Variants in ZMAT4 observed in about 807,000 individuals in gnomAD.
ZMAT4 encodes the protein zinc finger matrin-type protein 4.
Under a neutral mutation model 28.7 loss-of-function variants are expected in ZMAT4, and 17 were observed. The observed-to-expected ratio is 0.59, with a 90% CI of 0.41 to 0.89. The LOEUF is 0.89. Among genes scored for constraint, ZMAT4 ranks in the 40% least tolerant of loss-of-function variants. ZMAT4 has a pLI of 0.00. For missense variants in ZMAT4, 240 were observed against 283.8 expected (o/e 0.85, Z 1.11); for synonymous variants, 117 against 109.2 (o/e 1.07, Z -0.44).
intron 2 of ZMAT4, among the ~76,000 whole-genome samples, chr8:40,809,454 C>G (rs553731405): frequency 2.9e-4 from 44 of 152,092 alleles, no homozygotes; most frequent in African/African-American, 9.2e-4. Flanking sequence ...GTACATGTAT[C>G]CTCAGAATCT....
At chr8:40,844,016 C>A in intron 1 of ZMAT4, among the ~76,000 whole-genome samples, 1 of 152,164 alleles carries the variant, frequency 6.6e-6, no homozygotes, top group Non-Finnish European at 1.5e-5. Context: ...AACAATTCAG[C>A]AAAAGTCCAA....
intron 2 of ZMAT4, among the ~76,000 whole-genome samples, chr8:40,817,093 A>G (rs918256370): frequency 6.6e-6 from 1 of 152,164 alleles, no homozygotes; most frequent in South Asian, 2.1e-4. Flanking sequence ...AAGAAAGACA[A>G]TGCTTCCTCA....
intron 2 of ZMAT4, among the ~76,000 whole-genome samples, chr8:40,793,714 G>A (rs1034969555): frequency 6.6e-6 from 1 of 152,180 alleles, no homozygotes; most frequent in African/African-American, 2.4e-5. Context: ...GAGGACCAGA[G>A]CCACTGATTT....
At chr8:40,824,473 G>GAAAGA (rs1290737740) in intron 2 of ZMAT4, among the ~76,000 whole-genome samples, 4 of 151,948 alleles carry the variant, frequency 2.6e-5, no homozygotes, top group African/African-American at 9.7e-5. Flanking sequence ...AAGAAAGTAA[G>GAAAGA]AAAGAAAAGA....
intron 1 of ZMAT4, among the ~76,000 whole-genome samples, chr8:40,831,910 A>C (rs1816294722): frequency 6.6e-6 from 1 of 152,202 alleles, no homozygotes; most frequent in Admixed American, 6.5e-5. Context: ...CCTTGTGCTG[A>C]GGGCTTTATA....
chr8:40,590,381 G>T (rs1023602108), intron 5 of ZMAT4, among the ~76,000 whole-genome samples: 1 of 151,432 alleles, frequency 6.6e-6, no homozygotes, highest in African/African-American at 2.4e-5. Context: ...CCTAAATTCT[G>T]CTTGTGTGGG....
At chr8:40,738,685 T>C (rs533006425) in intron 3 of ZMAT4, among the ~76,000 whole-genome samples, 94 of 152,140 alleles carry the variant, frequency 6.2e-4, no homozygotes, top group Non-Finnish European at 8.5e-4. Context: ...AACCAAGTGT[T>C]CAGTTACTGA....
chr8:40,690,367 G>A (rs1432326501), intron 4 of ZMAT4, among the ~76,000 whole-genome samples: 2 of 152,120 alleles, frequency 1.3e-5, no homozygotes, highest in Non-Finnish European at 2.9e-5. Context: ...TTCCAGCTCT[G>A]CAAATCTGTG....
intron 4 of ZMAT4, among the ~76,000 whole-genome samples, chr8:40,693,060 A>C (rs1467148342): frequency 6.6e-6 from 1 of 152,138 alleles, no homozygotes; most frequent in Non-Finnish European, 1.5e-5. Flanking sequence ...GTAACTAGTT[A>C]AGCTAAAATG....
Position 40,877,913 on chromosome 8 carries a change from G to A in ZMAT4, c.-5+19770C>T, listed in dbSNP as rs532162153. 1.9e-3 allele frequency among the ~76,000 whole-genome samples: 289 copies of A among 152,292 alleles called. 2 individuals carry two copies. The highest frequency in any genetic ancestry group is 3.9e-3 in the Admixed American group (59 of 15,298). On this transcript the variant is annotated intron_variant, in intron 1 of 6. Coordinates refer to ENST00000297737, the MANE Select transcript of ZMAT4 (RefSeq NM_024645.3). ...GGCGCATTCCAAAAGCAGGGAGAGG[G>A]AACCCAAGTCCCGACACACTGAACA... is the stretch of plus-strand genomic sequence containing the variant.
intron 4 of ZMAT4, among the ~76,000 whole-genome samples, chr8:40,687,200 C>T (rs1025942845): frequency 5.2e-4 from 79 of 152,132 alleles, no homozygotes; most frequent in African/African-American, 1.8e-3. Flanking sequence ...AGCCAGAAGA[C>T]GGGGCACTGA....
At chr8:40,659,882 A>G (rs1246175242) in intron 5 of ZMAT4, among the ~76,000 whole-genome samples, 1 of 152,178 alleles carries the variant, frequency 6.6e-6, no homozygotes, top group Non-Finnish European at 1.5e-5. Flanking sequence ...ATTCACTAGG[A>G]CTTTGTAAAA....
chr8:40,863,237 T>G (rs1199438491), intron 1 of ZMAT4, among the ~76,000 whole-genome samples: 2 of 152,006 alleles, frequency 1.3e-5, no homozygotes, highest in East Asian at 1.9e-4. Context: ...TGAGGTGATC[T>G]GATTTGTATT....
At chr8:40,577,969 C>A (rs1177300210) in intron 6 of ZMAT4, among the ~76,000 whole-genome samples, 4 of 151,670 alleles carry the variant, frequency 2.6e-5, no homozygotes, top group Non-Finnish European at 5.9e-5. Context: ...TGGTATATAC[C>A]ATGATTATGG....
At chr8:40,865,833 C>T (rs989345142) in intron 1 of ZMAT4, among the ~76,000 whole-genome samples, 4 of 152,162 alleles carry the variant, frequency 2.6e-5, no homozygotes, top group African/African-American at 2.4e-5. Context: ...TTCTTCCCCC[C>T]GCCATTTGCT....
rs1266363122 is a variant in ZMAT4 at position 40,807,029 on chromosome 8, G to A, written c.102+18546C>T. 3.3e-5 allele frequency among the ~76,000 whole-genome samples: 5 copies of A among 150,190 alleles called. No homozygotes were observed. The Admixed American group carries it at 3.4e-4, about 10-fold the overall frequency. On this transcript the variant is annotated intron_variant, in intron 2 of 6. Coordinates refer to ENST00000297737, the MANE Select transcript of ZMAT4 (RefSeq NM_024645.3). ...AACATTAACCAGTGTATCTTTCTGT[G>A]TACCACTGTCAGAAAAACAAGCAGA...
intron 3 of ZMAT4, among the ~76,000 whole-genome samples, chr8:40,702,365 C>A (rs1810185916): frequency 6.6e-6 from 1 of 152,086 alleles, no homozygotes; most frequent in African/African-American, 2.4e-5. Context: ...AAGTTTCTGG[C>A]TTAAAGATTA....
rs769293324 is a variant in ZMAT4 at position 40,607,973 on chromosome 8, G to GT, written c.578-26713dup. Among the ~76,000 whole-genome samples, 372 of 151,050 alleles carry GT rather than the reference G, an allele frequency of 2.5e-3. 2 individuals carry two copies. The highest frequency in any genetic ancestry group is 2.4e-3 in the Non-Finnish European group (163 of 67,602). On this transcript the variant is annotated intron_variant, in intron 5 of 6. Transcript: ENST00000297737. ...GGATTCTGTGGGGGTCCTTGGTTGT[G>GT]TTTTTTTTTAATGTGTTGGTCTTAT...
intron 1 of ZMAT4, among the ~76,000 whole-genome samples, chr8:40,834,081 T>C (rs1816390070): frequency 6.6e-6 from 1 of 152,184 alleles, no homozygotes; most frequent in South Asian, 2.1e-4. Context: ...TTTCTTCACT[T>C]ATAAAACCAG....
Sources: gnomAD v4.1 joint callset for allele counts (sites outside exome capture counted in the v4.1 genomes callset) on GRCh38, gnomAD v4.1.1 for gene constraint, MANE v1.5 for transcripts, NCBI Gene and HGNC (gene_info 2026-07-23, HGNC 2026-07-21) for gene names.